KIAA1958: variants seen among roughly 807,000 people sequenced by gnomAD.
KIAA1958 encodes uncharacterized protein KIAA1958.
KIAA1958 carries 14 observed loss-of-function variants against 47.2 expected under a neutral mutation model. The ratio of observed to expected loss-of-function variants is 0.30; its 90% CI spans 0.20 to 0.46. The LOEUF (loss-of-function observed/expected upper bound fraction) is 0.46, where lower values mean the gene tolerates loss of function less well. KIAA1958 is among the 20% of genes least tolerant of loss of function. The probability of loss-of-function intolerance (pLI) is 1.00; values close to 1 mark genes in which losing one functional copy is unlikely to be tolerated. For synonymous variants in KIAA1958, 354 were observed against 353.3 expected (o/e 1.00, Z -0.02); for missense variants, 803 against 909.2 (o/e 0.88, Z 1.50).
At chr9:112,499,697 T>TC (rs1408361607) in intron 1 of KIAA1958, among the ~76,000 whole-genome samples, 1 of 149,508 alleles carries the variant, frequency 6.7e-6, no homozygotes, top group East Asian at 1.9e-4. Context: ...TCTTTTTTTT[T>TC]TTTTTTTTTG....
chr9:112,658,320 A>G (rs1452564414), intron 3 of KIAA1958, among the ~76,000 whole-genome samples: 1 of 152,260 alleles, frequency 6.6e-6, no homozygotes, highest in Non-Finnish European at 1.5e-5. Flanking sequence ...CACTATGTCT[A>G]GTAACCAAAT....
intron 1 of KIAA1958, among the ~76,000 whole-genome samples, chr9:112,535,154 A>G (rs934224686): frequency 1.3e-5 from 2 of 152,234 alleles, no homozygotes; most frequent in African/African-American, 4.8e-5. Flanking sequence ...GATATAAACT[A>G]TAGTGACAAT....
chr9:112,600,662 T>C lies in KIAA1958; in HGVS notation c.1171+25411T>C, dbSNP rs371976471. ...ATATGTCCATGGCAGGATATTCTTT[T>C]ATATTAAATACATGAATGCCTGACT... On this transcript the variant is annotated intron_variant, in intron 2 of 3. Coordinates refer to ENST00000337530, the MANE Select transcript of KIAA1958 (RefSeq NM_133465.4). 2.6e-5 allele frequency among the ~76,000 whole-genome samples: 4 copies of C among 152,306 alleles called. No homozygotes were observed. In the East Asian group the frequency reaches 5.8e-4, roughly 22 times the overall value.
intron 1 of KIAA1958, among the ~76,000 whole-genome samples, chr9:112,524,271 A>C (rs1426141886): frequency 6.6e-6 from 1 of 152,224 alleles, no homozygotes; most frequent in Non-Finnish European, 1.5e-5. Flanking sequence ...AGAAAACCAA[A>C]GCATGGGCTG....
intron 2 of KIAA1958, among the ~76,000 whole-genome samples, chr9:112,588,934 T>C (rs1835873135): frequency 6.6e-6 from 1 of 151,848 alleles, no homozygotes; most frequent in Non-Finnish European, 1.5e-5. Context: ...AAAATTTCTT[T>C]CCTCTAATAT....
chr9:112,581,849 ACTCACTGGAAG>A (rs1405049605), intron 2 of KIAA1958: 1 of 232,336 alleles, frequency 4.3e-6, no homozygotes, highest in Non-Finnish European at 9.3e-6. Flanking sequence ...AGGTGAAGGG[ACTCACTGGAAG>A]CCTTGGTTTT....
chr9:112,505,676 A>C (rs1399564310), intron 1 of KIAA1958, among the ~76,000 whole-genome samples: 1 of 152,212 alleles, frequency 6.6e-6, no homozygotes, highest in African/African-American at 2.4e-5. Context: ...ATGGTTATCA[A>C]ATTTTGTTGA....
intron 1 of KIAA1958, among the ~76,000 whole-genome samples, chr9:112,549,854 A>G (rs1369942723): frequency 2.0e-5 from 3 of 152,246 alleles, no homozygotes; most frequent in Non-Finnish European, 2.9e-5. Context: ...AAAGCATATT[A>G]CAGTGCACAA....
At position 112,661,849 on chromosome 9, in the gene KIAA1958, G is replaced by T. The variant is rs1250335277; in HGVS notation, c.*1780G>T. On this transcript the variant is annotated 3_prime_UTR_variant, in exon 4 of 4. Coordinates refer to ENST00000337530, the MANE Select transcript of KIAA1958 (RefSeq NM_133465.4). ...TTTCCTGTAGTGATCTTAGGGTTTT[G>T]ATTTAAAAGAAATACACAAAACATT... 3 of 152,120 alleles carry T rather than the reference G, an allele frequency of 2.0e-5. No individual in the cohort carries two copies. The highest frequency in any genetic ancestry group is 2.9e-5 in the Non-Finnish European group (2 of 68,020). 9.4% of individuals were successfully genotyped at this position (152,120 alleles called of 1,614,324 possible).
chr9:112,599,126 A>G (rs1397962818), intron 2 of KIAA1958, among the ~76,000 whole-genome samples: 1 of 152,204 alleles, frequency 6.6e-6, no homozygotes, highest in Non-Finnish European at 1.5e-5. Context: ...AAAGCTATGC[A>G]TCACAGTACT....
At chr9:112,620,176 G>A (rs1002263788) in intron 2 of KIAA1958, among the ~76,000 whole-genome samples, 1 of 152,120 alleles carries the variant, frequency 6.6e-6, no homozygotes, top group Non-Finnish European at 1.5e-5. Flanking sequence ...CTTGATGCCT[G>A]TGGTGAATTA....
rs779154781 is a variant in KIAA1958, at chr9:112,518,876, A to AC, written c.-25+31758_-25+31759insC. Among the ~76,000 whole-genome samples the AC allele has an allele frequency of 3.5e-4, 54 of 152,208 alleles. No individual in the cohort carries two copies. In the East Asian group the frequency reaches 9.7e-3, roughly 27 times the overall value. Reference sequence around the variant, plus strand: ...CATTTGGGGAGCTAAAGAAAAAAAAAAAAGCTAACATTATTGACTGGTTTT... The same window carrying AC: ...CATTTGGGGAGCTAAAGAAAAAAAAACAAAGCTAACATTATTGACTGGTTTT... On this transcript the variant is annotated intron_variant, in intron 1 of 3. Coordinates refer to ENST00000337530, the MANE Select transcript of KIAA1958 (RefSeq NM_133465.4).
At chr9:112,492,569 C>T (rs1002121018) in intron 1 of KIAA1958, among the ~76,000 whole-genome samples, 1 of 152,134 alleles carries the variant, frequency 6.6e-6, no homozygotes, top group African/African-American at 2.4e-5. Context: ...ACATACATAC[C>T]TCACTCCACA....
intron 2 of KIAA1958, among the ~76,000 whole-genome samples, chr9:112,615,877 C>G (rs115021929): frequency 0.012 from 1,863 of 152,326 alleles, 38 homozygotes; most frequent in African/African-American, 0.042. Flanking sequence ...ATGTACAACT[C>G]AGTTTACATC....
intron 1 of KIAA1958, among the ~76,000 whole-genome samples, chr9:112,522,217 C>T (rs1300830324): frequency 2.6e-5 from 4 of 152,128 alleles, no homozygotes; most frequent in African/African-American, 7.2e-5. Flanking sequence ...GTGATTCACC[C>T]GCCTCGGCCT....
intron 2 of KIAA1958, among the ~76,000 whole-genome samples, chr9:112,580,009 G>A (rs112707332): frequency 0.019 from 2,899 of 152,216 alleles, 51 homozygotes; most frequent in Middle Eastern, 0.048. Flanking sequence ...TGACCCCTGC[G>A]TGGACCCAAG....
chr9:112,564,277 A>AG (rs1324396093), intron 1 of KIAA1958, among the ~76,000 whole-genome samples: 2 of 152,172 alleles, frequency 1.3e-5, no homozygotes. Flanking sequence ...TTTTTGGAGA[A>AG]GTTTTTTTAA....
chr9:112,645,908 C>A, intron 3 of KIAA1958, 86 bp downstream of exon 3: 1 of 1,146,312 alleles, frequency 8.7e-7, no homozygotes, highest in South Asian at 2.1e-5. Context: ...GTAGGGAACA[C>A]AGAACGGTGG....
intron 2 of KIAA1958, among the ~76,000 whole-genome samples, chr9:112,576,392 A>G (rs1588025390): frequency 6.6e-6 from 1 of 152,270 alleles, no homozygotes; most frequent in African/African-American, 2.4e-5. Flanking sequence ...CACTCTTTTA[A>G]AGTGTACAGT....
Sources: allele counts gnomAD v4.1 joint callset (sites outside exome capture counted in the v4.1 genomes callset), GRCh38; gene constraint gnomAD v4.1.1; transcripts MANE v1.5; gene names NCBI Gene and HGNC (gene_info 2026-07-23, HGNC 2026-07-21).